GALNT18: variants seen among roughly 807,000 people sequenced by gnomAD.
GALNT18 encodes polypeptide N-acetylgalactosaminyltransferase 18.
GALNT18 carries 44 observed loss-of-function variants against 69.5 expected under a neutral mutation model. The observed-to-expected ratio is 0.63, with a 90% CI of 0.50 to 0.81. The LOEUF (loss-of-function observed/expected upper bound fraction) is 0.81. Among genes scored for constraint, GALNT18 ranks in the 40% least tolerant of loss-of-function variants. The pLI is 0.00. For synonymous variants in GALNT18, 364 were observed against 318.2 expected (o/e 1.14, Z -1.53); for missense variants, 715 against 810.0 (o/e 0.88, Z 1.42).
intron 1 of GALNT18, among the ~76,000 whole-genome samples, chr11:11,551,085 CAAAAAAA>C (rs36037822): frequency 8.5e-6 from 1 of 117,552 alleles, no homozygotes; most frequent in African/African-American, 3.4e-5. Flanking sequence ...TATACGGTAC[CAAAAAAA>C]AAAAAAAAAA....
chr11:11,434,647 G>C (rs183551860), intron 2 of GALNT18, among the ~76,000 whole-genome samples: 2 of 152,128 alleles, frequency 1.3e-5, no homozygotes, highest in African/African-American at 4.8e-5. Context: ...AAAGTGAGTC[G>C]TGCAAGGGTT....
rs143140124 is a variant in GALNT18, at chr11:11,511,588, T to C, written c.236-62652A>G. Among the ~76,000 whole-genome samples, 527 of 152,256 alleles carry C rather than the reference T, an allele frequency of 3.5e-3. 7 individuals are homozygous for C. The highest frequency in any genetic ancestry group is 0.012 in the African/African-American group (490 of 41,546). Reference sequence around the variant, plus strand: ...AGAAAATGCATACATGTGCACACTGTGTTATGGAATGAAAGCTTCTGTTTC... The same window carrying C: ...AGAAAATGCATACATGTGCACACTGCGTTATGGAATGAAAGCTTCTGTTTC... On this transcript the variant is annotated intron_variant, in intron 1 of 10. Coordinates refer to ENST00000227756, the MANE Select transcript of GALNT18 (RefSeq NM_198516.3). This position sits in a 1 kb window ranked among gnomAD's most constrained non-coding sequence, Gnocchi z 4.9.
intron 9 of GALNT18, among the ~76,000 whole-genome samples, chr11:11,325,815 G>T (rs1320393513): frequency 1.3e-5 from 2 of 152,100 alleles, no homozygotes; most frequent in African/African-American, 4.8e-5. Context: ...AACCTGATTT[G>T]CTGGCCTGCA....
rs1854327136 is a variant in GALNT18 at position 11,396,339 on chromosome 11, G to C, written c.596-17075C>G. The stretch of plus-strand genomic sequence containing the variant: ...GGGCAACATTTCGAGAGGTGAGGAA[G>C]AGAGAGTTTGCTTAGAGATTAAATG... On this transcript the variant is annotated intron_variant, in intron 3 of 10. Transcript: ENST00000227756. This position sits in a 1 kb window ranked among gnomAD's most constrained non-coding sequence, Gnocchi z 5.2. Among the ~76,000 whole-genome samples, 1 of 152,192 alleles carries C rather than the reference G, an allele frequency of 6.6e-6. No individual in the cohort carries two copies. Among genetic ancestry groups the C allele is most frequent in the African/African-American group, 2.4e-5 (1 of 41,448 alleles).
intron 9 of GALNT18, among the ~76,000 whole-genome samples, chr11:11,322,846 G>A (rs1399496616): frequency 2.6e-5 from 4 of 152,142 alleles, no homozygotes; most frequent in African/African-American, 9.7e-5. Flanking sequence ...TCAAGATGCT[G>A]GTCAATTTAG....
chr11:11,296,971 G>A (rs1849413026), intron 9 of GALNT18, among the ~76,000 whole-genome samples: 1 of 152,212 alleles, frequency 6.6e-6, no homozygotes, highest in South Asian at 2.1e-4. Context: ...GTCCCAGCAA[G>A]CATAGCTAAG....
rs1370317403 is a variant in GALNT18, at chr11:11,496,976, C to T, written c.236-48040G>A. Among the ~76,000 whole-genome samples the T allele has an allele frequency of 6.6e-6, 1 of 152,194 alleles. No homozygotes were observed. Among genetic ancestry groups the T allele is most frequent in the Non-Finnish European group, 1.5e-5 (1 of 68,042 alleles). On this transcript the variant is annotated intron_variant, in intron 1 of 10. Transcript: ENST00000227756. This position sits in a 1 kb window ranked among gnomAD's most constrained non-coding sequence, Gnocchi z 4.0. ...CCTGGTAGAGCACCCAAATACTCCA[C>T]CGTGGTCTCCAAGGGCCTCATCGGT... is the stretch of plus-strand genomic sequence containing the variant.
chr11:11,578,573 AT>A (rs1350100796), intron 1 of GALNT18, among the ~76,000 whole-genome samples: 1 of 152,140 alleles, frequency 6.6e-6, no homozygotes, highest in Non-Finnish European at 1.5e-5. Context: ...GGTTGAATGT[AT>A]TGCTTGGCTT....
Position 11,605,760 on chromosome 11 carries a change from AC to A in GALNT18, c.235+15598del, listed in dbSNP as rs1859739355. The stretch of plus-strand genomic sequence containing the variant: ...GTGCAGTTTACTTTTTACCTTCTGC[AC>A]CCACTAGATTGTTTTAGTTTGAAAG... On this transcript the variant is annotated intron_variant, in intron 1 of 10. Coordinates refer to ENST00000227756, the MANE Select transcript of GALNT18 (RefSeq NM_198516.3). The surrounding 1 kb of genome is among the most constrained non-coding windows in gnomAD (Gnocchi z 4.7). 6.6e-6 allele frequency among the ~76,000 whole-genome samples: 1 copy of A among 152,120 alleles called. No individual in the cohort carries two copies. Among genetic ancestry groups the A allele is most frequent in the African/African-American group, 2.4e-5 (1 of 41,430 alleles).
intron 1 of GALNT18, among the ~76,000 whole-genome samples, chr11:11,518,113 C>T (rs765523327): frequency 1.2e-4 from 18 of 152,208 alleles, no homozygotes; most frequent in Non-Finnish European, 1.8e-4. Flanking sequence ...AACATAAAAC[C>T]AGGCTGCAGA....
intron 1 of GALNT18, among the ~76,000 whole-genome samples, chr11:11,612,778 C>T (rs1859942279): frequency 6.6e-6 from 1 of 152,228 alleles, no homozygotes; most frequent in Non-Finnish European, 1.5e-5. Context: ...AAAGAACTGG[C>T]CACAAGCCTC....
chr11:11,404,702 C>A lies in GALNT18; in HGVS notation c.596-25438G>T, dbSNP rs1854548489. On this transcript the variant is annotated intron_variant, in intron 3 of 10. Transcript: ENST00000227756. The surrounding 1 kb of genome is among the most constrained non-coding windows in gnomAD (Gnocchi z 4.5). The stretch of plus-strand genomic sequence containing the variant: ...TCTCTGTCTCAACTCTCATTTCAAC[C>A]TAACTCTGACTTCATCTCAACCTTA... Among the ~76,000 whole-genome samples the A allele has an allele frequency of 6.6e-6, 1 of 152,162 alleles. No homozygotes were observed. Among genetic ancestry groups the A allele is most frequent in the Non-Finnish European group, 1.5e-5 (1 of 68,032 alleles).
chr11:11,482,628 C>G (rs906702314), intron 1 of GALNT18, among the ~76,000 whole-genome samples: 2 of 152,216 alleles, frequency 1.3e-5, no homozygotes, highest in Non-Finnish European at 2.9e-5. Context: ...CTCTTGGAGG[C>G]CCCTGCCCTG....
intron 1 of GALNT18, among the ~76,000 whole-genome samples, chr11:11,452,018 A>G (rs1327471608): frequency 6.6e-6 from 1 of 152,192 alleles, no homozygotes; most frequent in Non-Finnish European, 1.5e-5. Flanking sequence ...AGCAGAGTTG[A>G]GTATGTATGA....
At chr11:11,607,984 A>G (rs1397947950) in intron 1 of GALNT18, among the ~76,000 whole-genome samples, 1 of 152,206 alleles carries the variant, frequency 6.6e-6, no homozygotes, top group Non-Finnish European at 1.5e-5. Flanking sequence ...TTCTCCACAA[A>G]CAAGGGCAGG....
At chr11:11,549,657 A>G (rs150740187) in intron 1 of GALNT18, among the ~76,000 whole-genome samples, 29 of 152,220 alleles carry the variant, frequency 1.9e-4, no homozygotes, top group African/African-American at 6.5e-4. Flanking sequence ...CTTTCCCATT[A>G]TCCCCATTTC....
intron 1 of GALNT18, among the ~76,000 whole-genome samples, chr11:11,575,505 G>T (rs78703689): frequency 6.6e-6 from 1 of 152,070 alleles, no homozygotes; most frequent in East Asian, 1.9e-4. Context: ...GAGCCTGCAG[G>T]TTCTGGGCCC....
At chr11:11,291,380 TTC>T (rs1471060787) in intron 10 of GALNT18, among the ~76,000 whole-genome samples, 2 of 152,232 alleles carry the variant, frequency 1.3e-5, no homozygotes, top group African/African-American at 4.8e-5. Context: ...GTTCGTTAAC[TTC>T]TCTGTGACTC....
At position 11,573,255 on chromosome 11, in the gene GALNT18, T is replaced by G. The variant is rs1305373086; in HGVS notation, c.235+48104A>C. Among the ~76,000 whole-genome samples the G allele has an allele frequency of 1.3e-5, 2 of 152,164 alleles. No individual in the cohort carries two copies. The highest frequency in any genetic ancestry group is 3.9e-4 in the East Asian group (2 of 5,184). On this transcript the variant is annotated intron_variant, in intron 1 of 10. Transcript: ENST00000227756. This position sits in a 1 kb window ranked among gnomAD's most constrained non-coding sequence, Gnocchi z 4.6. ...GTCCCAGAGATTCCCTACACACAGC[T>G]TTCAATACTGAAGATGGAGCTCTCT...
Sources: allele counts gnomAD v4.1 joint callset (sites outside exome capture counted in the v4.1 genomes callset), GRCh38; gene constraint gnomAD v4.1.1; non-coding constraint Gnocchi (gnomAD v3.1); transcripts MANE v1.5; gene names NCBI Gene and HGNC (gene_info 2026-07-23, HGNC 2026-07-21).